SORCS1: variants seen among roughly 807,000 people sequenced by gnomAD.
SORCS1 encodes the protein sortilin related VPS10 domain containing receptor 1.
Under a neutral mutation model 146.1 loss-of-function variants are expected in SORCS1, and 60 were observed. That is an observed-to-expected ratio of 0.41 (90% CI 0.33 to 0.51). The LOEUF (loss-of-function observed/expected upper bound fraction) is 0.51, where lower values mean the gene tolerates loss of function less well. SORCS1 is among the 20% of genes least tolerant of loss of function. SORCS1 has a pLI of 0.21. For synonymous variants in SORCS1, 637 were observed against 584.0 expected (o/e 1.09, Z -1.31); for missense variants, 1,352 against 1,487.6 (o/e 0.91, Z 1.50).
At chr10:107,105,343 C>G (rs1965232897) in intron 1 of SORCS1, among the ~76,000 whole-genome samples, 1 of 152,066 alleles carries the variant, frequency 6.6e-6, no homozygotes, top group South Asian at 2.1e-4. Flanking sequence ...TCTACAGGGA[C>G]AGAACTAATA....
chr10:107,057,107 C>A (rs1960716275), intron 1 of SORCS1, among the ~76,000 whole-genome samples: 1 of 151,928 alleles, frequency 6.6e-6, no homozygotes, highest in Non-Finnish European at 1.5e-5. Flanking sequence ...CTAGGACACA[C>A]AAAGAAGTAA....
chr10:107,007,474 G>C (rs1435124558), intron 1 of SORCS1, among the ~76,000 whole-genome samples: 1 of 152,198 alleles, frequency 6.6e-6, no homozygotes, highest in Non-Finnish European at 1.5e-5. Context: ...GCAACAGCCA[G>C]TACCATCTTA....
At chr10:106,912,646 T>C (rs1017000394) in intron 2 of SORCS1, among the ~76,000 whole-genome samples, 8 of 152,116 alleles carry the variant, frequency 5.3e-5, no homozygotes, top group African/African-American at 1.7e-4. Context: ...CCATGCATCC[T>C]TGGTGTAGTG....
At chr10:106,633,167 T>G (rs1259024041) in intron 18 of SORCS1, among the ~76,000 whole-genome samples, 1 of 152,246 alleles carries the variant, frequency 6.6e-6, no homozygotes, top group Non-Finnish European at 1.5e-5. Flanking sequence ...TTTTACTTTT[T>G]AAATGTTTTT....
At chr10:106,901,502 G>A (rs1019131713) in intron 2 of SORCS1, among the ~76,000 whole-genome samples, 1 of 152,080 alleles carries the variant, frequency 6.6e-6, no homozygotes, top group African/African-American at 2.4e-5. Context: ...GCATGATCTC[G>A]GCTCACTGCA....
intron 2 of SORCS1, among the ~76,000 whole-genome samples, chr10:106,953,221 G>A (rs533667253): frequency 6.6e-6 from 1 of 151,526 alleles, no homozygotes; most frequent in South Asian, 2.1e-4. Flanking sequence ...ACCTGGAGGG[G>A]ATTTTTTCCA....
chr10:106,829,519 A>G, intron 3 of SORCS1, 55 bp downstream of exon 3: 1 of 1,386,596 alleles, frequency 7.2e-7, no homozygotes, highest in Non-Finnish European at 1.0e-6. Context: ...TGGTTAGCCA[A>G]CCAAGACAGA....
chr10:106,998,462 C>G (rs1156912749), intron 1 of SORCS1, among the ~76,000 whole-genome samples: 1 of 152,178 alleles, frequency 6.6e-6, no homozygotes, highest in Non-Finnish European at 1.5e-5. Context: ...GATAATGGAG[C>G]AAATGGCACA....
At chr10:106,615,620 C>T (rs768387621) in intron 21 of SORCS1, among the ~76,000 whole-genome samples, 1 of 152,022 alleles carries the variant, frequency 6.6e-6, no homozygotes, top group Non-Finnish European at 1.5e-5. Context: ...CTGAGACCAG[C>T]CTGGGCAACA....
intron 1 of SORCS1, among the ~76,000 whole-genome samples, chr10:107,065,419 CTT>C (rs769915590): frequency 2.3e-5 from 2 of 87,440 alleles, no homozygotes; most frequent in African/African-American, 6.6e-5. Flanking sequence ...TCTTTCTTTT[CTT>C]TCTTTCTTTC....
At chr10:106,885,508 T>A (rs1390855886) in intron 2 of SORCS1, among the ~76,000 whole-genome samples, 1 of 152,190 alleles carries the variant, frequency 6.6e-6, no homozygotes, top group Non-Finnish European at 1.5e-5. Context: ...TTGGCAGGTC[T>A]TACAAGAACT....
intron 24 of SORCS1, among the ~76,000 whole-genome samples, chr10:106,594,111 A>G (rs1845770978): frequency 6.6e-6 from 1 of 152,176 alleles, no homozygotes; most frequent in South Asian, 2.1e-4. Context: ...CCTTTGCTGT[A>G]TTCAGTTTCT....
chr10:106,724,855 G>A (rs1471225414), intron 6 of SORCS1, among the ~76,000 whole-genome samples: 2 of 152,274 alleles, frequency 1.3e-5, no homozygotes, highest in African/African-American at 2.4e-5. Flanking sequence ...TCAAAAACAT[G>A]ATGGCCAGGT....
Position 106,724,231 on chromosome 10 carries a change from G to A in SORCS1, c.1024+5819C>T, listed in dbSNP as rs908999200. On this transcript the variant is annotated intron_variant, in intron 6 of 25. Transcript: ENST00000263054. ...TTTATAAAAATAAAGATATAAGGCCGGGCATGGTGGCTCACGCCTGTAATC... is the reference window on the plus strand; with the variant it reads ...TTTATAAAAATAAAGATATAAGGCCAGGCATGGTGGCTCACGCCTGTAATC... Among the ~76,000 whole-genome samples, 32 of 152,082 alleles carry A rather than the reference G, an allele frequency of 2.1e-4. 1 individual carries two copies. Among genetic ancestry groups the A allele is most frequent in the South Asian group, 8.3e-4 (4 of 4,830 alleles).
intron 24 of SORCS1, among the ~76,000 whole-genome samples, chr10:106,587,524 G>A (rs761668584): frequency 3.3e-5 from 5 of 152,238 alleles, no homozygotes; most frequent in South Asian, 2.1e-4. Flanking sequence ...CAGAATTCAT[G>A]ATGTATCACG....
At chr10:107,058,363 T>C (rs1187231756) in intron 1 of SORCS1, among the ~76,000 whole-genome samples, 3 of 152,172 alleles carry the variant, frequency 2.0e-5, no homozygotes, top group African/African-American at 7.2e-5. Context: ...TTATTCAACA[T>C]GACAGAGAAC....
intron 2 of SORCS1, among the ~76,000 whole-genome samples, chr10:106,849,799 C>T (rs1293658565): frequency 1.3e-5 from 2 of 151,608 alleles, no homozygotes; most frequent in African/African-American, 4.8e-5. Context: ...AGTTTTCCTT[C>T]TAACAGACAG....
intron 2 of SORCS1, among the ~76,000 whole-genome samples, chr10:106,953,161 G>A (rs1312379036): frequency 6.6e-6 from 1 of 151,590 alleles, no homozygotes; most frequent in Non-Finnish European, 1.5e-5. Context: ...GTGTGTGTGT[G>A]TGTGTGTGTG....
At chr10:106,722,818 C>G (rs1316135005) in intron 6 of SORCS1, among the ~76,000 whole-genome samples, 2 of 152,064 alleles carry the variant, frequency 1.3e-5, no homozygotes, top group African/African-American at 4.8e-5. Flanking sequence ...AACTATATAT[C>G]CATGTGTAAT....
Sources: allele counts gnomAD v4.1 joint callset (sites outside exome capture counted in the v4.1 genomes callset), GRCh38; gene constraint gnomAD v4.1.1; transcripts MANE v1.5; gene names NCBI Gene and HGNC (gene_info 2026-07-23, HGNC 2026-07-21).